ARHGAP10: variants seen among roughly 807,000 people sequenced by gnomAD.
ARHGAP10 encodes the protein rho GTPase-activating protein 10.
A neutral mutation model predicts 108.6 loss-of-function variants in ARHGAP10; 87 were observed. The observed-to-expected ratio is 0.80, with a 90% CI of 0.67 to 0.96. The LOEUF (loss-of-function observed/expected upper bound fraction) is 0.96, where lower values mean the gene tolerates loss of function less well. ARHGAP10 is among the 40% of genes least tolerant of loss of function. The probability of loss-of-function intolerance (pLI) is 0.00; values close to 1 mark genes in which losing one functional copy is unlikely to be tolerated. For missense variants in ARHGAP10, 939 were observed against 954.5 expected (o/e 0.98, Z 0.21); for synonymous variants, 347 against 341.1 (o/e 1.02, Z -0.19).
At chr4:147,747,142 A>G (rs1395515194) in intron 1 of ARHGAP10, among the ~76,000 whole-genome samples, 1 of 150,880 alleles carries the variant, frequency 6.6e-6, no homozygotes, top group African/African-American at 2.4e-5. Context: ...AAAGACCCAA[A>G]CGGTCCTTCA....
chr4:147,794,072 G>A (rs1731223875), intron 1 of ARHGAP10, among the ~76,000 whole-genome samples: 1 of 152,204 alleles, frequency 6.6e-6, no homozygotes, highest in Non-Finnish European at 1.5e-5. Flanking sequence ...ACTGCCAAGT[G>A]TTTTACCCTT....
intron 16 of ARHGAP10, among the ~76,000 whole-genome samples, chr4:147,962,560 T>A (rs945980141): frequency 6.6e-6 from 1 of 152,184 alleles, no homozygotes; most frequent in African/African-American, 2.4e-5. Flanking sequence ...GGTCCTGACA[T>A]ACAATCTTTT....
chr4:148,020,810 A>T (rs1741540788), intron 18 of ARHGAP10, among the ~76,000 whole-genome samples: 1 of 152,206 alleles, frequency 6.6e-6, no homozygotes, highest in Admixed American at 6.5e-5. Context: ...GTATATACCC[A>T]GTAATGGGAT....
At chr4:147,799,010 A>G (rs1267436092) in intron 1 of ARHGAP10, among the ~76,000 whole-genome samples, 1 of 150,408 alleles carries the variant, frequency 6.6e-6, no homozygotes, top group Non-Finnish European at 1.5e-5. Context: ...CATTGATCCT[A>G]GCCTTGGCCT....
chr4:147,909,679 T>C, intron 11 of ARHGAP10, 53 bp from the exon 12 acceptor site: 1 of 1,483,452 alleles, frequency 6.7e-7, no homozygotes, highest in Non-Finnish European at 9.4e-7. Flanking sequence ...CCTACTTGAA[T>C]AATTTTTGCT....
intron 10 of ARHGAP10, among the ~76,000 whole-genome samples, chr4:147,884,120 C>T (rs1203199170): frequency 1.3e-5 from 2 of 152,220 alleles, no homozygotes; most frequent in Non-Finnish European, 2.9e-5. Flanking sequence ...TGAGGTGAAT[C>T]TGATTAGTTG....
rs1261957645 is a variant in ARHGAP10, at chr4:148,011,143, C to T, written c.1717-12120C>T. On this transcript the variant is annotated intron_variant, in intron 18 of 22. Coordinates refer to ENST00000336498, the MANE Select transcript of ARHGAP10 (RefSeq NM_024605.4). ...GTGCATCACAACAAGAGGCACATGA[C>T]ATCAGTTTGTTCCATTATTGGTGAA... 2.0e-5 allele frequency among the ~76,000 whole-genome samples: 3 copies of T among 152,184 alleles called. No individual in the cohort carries two copies. In the South Asian group the frequency reaches 6.2e-4, roughly 32 times the overall value.
chr4:147,775,959 C>T (rs527797288), intron 1 of ARHGAP10, among the ~76,000 whole-genome samples: 1 of 152,142 alleles, frequency 6.6e-6, no homozygotes, highest in Non-Finnish European at 1.5e-5. Flanking sequence ...TAGAAAAGTT[C>T]CGTAAGCTGG....
At chr4:148,068,160 G>T (rs1012592127) in intron 22 of ARHGAP10, among the ~76,000 whole-genome samples, 1 of 152,186 alleles carries the variant, frequency 6.6e-6, no homozygotes, top group African/African-American at 2.4e-5. Flanking sequence ...GCTCCAGTTA[G>T]ATGGGCAGTG....
intron 1 of ARHGAP10, among the ~76,000 whole-genome samples, chr4:147,757,328 G>C (rs1342138562): frequency 6.6e-6 from 1 of 151,906 alleles, no homozygotes; most frequent in East Asian, 1.9e-4. Flanking sequence ...CCGAAAGCTG[G>C]GACTACAGGC....
At chr4:147,851,918 A>G (rs1733890134) in intron 4 of ARHGAP10, among the ~76,000 whole-genome samples, 1 of 152,160 alleles carries the variant, frequency 6.6e-6, no homozygotes, top group Non-Finnish European at 1.5e-5. Flanking sequence ...CCTGGTTTGA[A>G]TCCTCTTTCG....
chr4:147,820,486 A>G (rs552963058), intron 1 of ARHGAP10, among the ~76,000 whole-genome samples: 2 of 146,150 alleles, frequency 1.4e-5, no homozygotes, highest in South Asian at 2.2e-4. Context: ...GGTTTTCACT[A>G]TGTTGGCCAG....
At chr4:148,040,391 G>C (rs909307299) in intron 19 of ARHGAP10, among the ~76,000 whole-genome samples, 2 of 152,152 alleles carry the variant, frequency 1.3e-5, no homozygotes, top group Non-Finnish European at 2.9e-5. Context: ...GCCCAGGCTG[G>C]AGTACAGTCA....
intron 12 of ARHGAP10, 128 bp downstream of exon 12, chr4:147,909,905 C>T (rs570642894): frequency 5.0e-5 from 43 of 858,210 alleles, no homozygotes; most frequent in Admixed American, 4.4e-4. Flanking sequence ...GGGTATTACA[C>T]GTAATAATCC....
intron 15 of ARHGAP10, among the ~76,000 whole-genome samples, chr4:147,949,232 T>A (rs116392022): frequency 6.6e-6 from 1 of 152,246 alleles, no homozygotes; most frequent in African/African-American, 2.4e-5. Flanking sequence ...TGTATACTTA[T>A]ATCAGTATTG....
chr4:147,983,563 A>G (rs1333551711), intron 18 of ARHGAP10, among the ~76,000 whole-genome samples: 4 of 150,422 alleles, frequency 2.7e-5, no homozygotes. Context: ...TTGAGTTCTG[A>G]AATTCTTTCT....
chr4:147,885,360 C>T (rs568266161), intron 10 of ARHGAP10, among the ~76,000 whole-genome samples: 42 of 152,240 alleles, frequency 2.8e-4, no homozygotes, highest in African/African-American at 7.9e-4. Flanking sequence ...GGCAAGAGAA[C>T]GTGTGCAGGG....
chr4:147,765,361 T>C (rs1358990646), intron 1 of ARHGAP10, among the ~76,000 whole-genome samples: 1 of 143,336 alleles, frequency 7.0e-6, no homozygotes. Context: ...TGAGTGTGTG[T>C]ATTTCAATGT....
rs768181935 is a variant in ARHGAP10, at chr4:147,784,748, T to TAAA, written c.155-37978_155-37977insAAA. ...TATTATAAAATATATATTATAAATATATATTATAAAATGTATATTATAAAT... is the reference window on the plus strand; with the variant it reads ...TATTATAAAATATATATTATAAATATAAAATATTATAAAATGTATATTATAAAT... On this transcript the variant is annotated intron_variant, in intron 1 of 22. Transcript: ENST00000336498. Among the ~76,000 whole-genome samples, 42 of 24,960 alleles carry TAAA rather than the reference T, an allele frequency of 1.7e-3. 6 individuals are homozygous for TAAA. The highest frequency in any genetic ancestry group is 4.7e-3 in the South Asian group (2 of 422). The allele number at this position is 24,960 out of a possible 152,430, so 16.4% of individuals were successfully genotyped here. A position where few individuals can be genotyped will look rare whatever the true frequency, so the allele number is the denominator to read the frequency against.
Sources: gnomAD v4.1 joint callset for allele counts (sites outside exome capture counted in the v4.1 genomes callset) on GRCh38, gnomAD v4.1.1 for gene constraint, MANE v1.5 for transcripts, NCBI Gene and HGNC (gene_info 2026-07-23, HGNC 2026-07-21) for gene names.